Variants in PLD1 observed in about 807,000 individuals in gnomAD.
PLD1 encodes phospholipase D1.
PLD1 carries 112 observed loss-of-function variants against 137.1 expected under a neutral mutation model. The ratio of observed to expected loss-of-function variants is 0.82; its 90% CI spans 0.70 to 0.96. The LOEUF is 0.96. PLD1 is among the 40% of genes least tolerant of loss of function. The probability of loss-of-function intolerance (pLI) is 0.00; values close to 1 mark genes in which losing one functional copy is unlikely to be tolerated. For synonymous variants in PLD1, 431 were observed against 454.7 expected, an observed-to-expected ratio of 0.95 and a Z score of 0.66; for missense variants, 1,321 against 1,342.0, an observed-to-expected ratio of 0.98 and a Z score of 0.24.
rs747589426 is a variant in PLD1, at chr3:171,701,710, C to T, written c.1146-1884G>A. Among the ~76,000 whole-genome samples, 41 of 152,170 alleles carry T rather than the reference C, an allele frequency of 2.7e-4. 1 individual carries two copies. The highest frequency in any genetic ancestry group is 1.5e-5 in the Non-Finnish European group (1 of 68,014). Reference sequence around the variant, plus strand: ...TGGCTGCATGGCAAGAAGAAAGCAGCTATAACTTACCAAGCATTATTATGT... The same window carrying T: ...TGGCTGCATGGCAAGAAGAAAGCAGTTATAACTTACCAAGCATTATTATGT... On this transcript the variant is annotated intron_variant, in intron 11 of 26. Coordinates refer to ENST00000351298, the MANE Select transcript of PLD1 (RefSeq NM_002662.5).
chr3:171,750,981 A>T (rs1340528739), intron 1 of PLD1, among the ~76,000 whole-genome samples: 1 of 152,200 alleles, frequency 6.6e-6, no homozygotes, highest in South Asian at 2.1e-4. Flanking sequence ...AACTGAACCA[A>T]GTAGGGACCC....
At chr3:171,739,383 G>A (rs1272389039) in intron 1 of PLD1, among the ~76,000 whole-genome samples, 1 of 152,178 alleles carries the variant, frequency 6.6e-6, no homozygotes, top group Non-Finnish European at 1.5e-5. Context: ...GCGAAGGAGG[G>A]AGGTTCTGGT....
chr3:171,689,614 C>T (rs1714946957), intron 13 of PLD1, among the ~76,000 whole-genome samples: 1 of 152,116 alleles, frequency 6.6e-6, no homozygotes, highest in South Asian at 2.1e-4. Context: ...GATCCTTCTG[C>T]CTCAGCCTCC....
At chr3:171,755,712 C>G (rs2108298236) in intron 1 of PLD1, among the ~76,000 whole-genome samples, 1 of 152,314 alleles carries the variant, frequency 6.6e-6, no homozygotes, top group South Asian at 2.1e-4. Context: ...CCCTAAAAGA[C>G]TGGGAGCTCC....
intron 19 of PLD1, among the ~76,000 whole-genome samples, chr3:171,665,742 G>T (rs776006847): frequency 8.6e-5 from 13 of 151,926 alleles, no homozygotes; most frequent in Non-Finnish European, 1.6e-4. Flanking sequence ...TCAGCCTGTG[G>T]GAGAGCATAA....
chr3:171,633,251 G>A (rs563251179), intron 23 of PLD1, among the ~76,000 whole-genome samples: 96 of 152,350 alleles, frequency 6.3e-4, no homozygotes, highest in Middle Eastern at 6.8e-3. Flanking sequence ...AAAGGTTGGT[G>A]ATGTTAATTT....
At chr3:171,804,216 C>CA in intron 1 of PLD1, among the ~76,000 whole-genome samples, 1 of 152,126 alleles carries the variant, frequency 6.6e-6, no homozygotes, top group East Asian at 1.9e-4. Context: ...GCTACCTACT[C>CA]AAACTCTTTA....
chr3:171,724,742 A>T lies in PLD1; in HGVS notation c.712T>A (p.Leu238Met). The T allele has an allele frequency of 1.9e-6, 3 of 1,611,654 alleles. No homozygotes were observed. The highest frequency in any genetic ancestry group is 2.5e-6 in the Non-Finnish European group (3 of 1,178,396). Reference sequence around the variant, plus strand: ...GCTCTTCCCTGACCACAGCAATTCAAGCCTGGTATTCTGTGTCCTCCAGAT... The same window carrying T: ...GCTCTTCCCTGACCACAGCAATTCATGCCTGGTATTCTGTGTCCTCCAGAT... Reference protein sequence around the residue: ...KRSGGHRIPGLNCCGQGRACY... With the variant: ...KRSGGHRIPGMNCCGQGRACY... Residue 238 changes from leucine to methionine, a missense_variant, in exon 8 of 27, where the codon TTG becomes ATG. Physicochemically the swap from Leu to Met is conservative, Grantham distance 15 (BLOSUM62 2). Transcript: ENST00000351298.
At chr3:171,779,794 T>G (rs895147809) in intron 1 of PLD1, among the ~76,000 whole-genome samples, 1 of 151,704 alleles carries the variant, frequency 6.6e-6, no homozygotes, top group Non-Finnish European at 1.5e-5. Flanking sequence ...GGAATTTGTA[T>G]ACATAAGTCT....
chr3:171,746,023 A>AC (rs72591625), intron 1 of PLD1, among the ~76,000 whole-genome samples: 23,780 of 128,948 alleles, frequency 0.18, 1,964 homozygotes, highest in African/African-American at 0.26. Context: ...GGGGCTTAGC[A>AC]CCGGGCAAGC....
intron 1 of PLD1, among the ~76,000 whole-genome samples, chr3:171,764,825 G>GAGAAAGAAAGAAAGAA (rs1226169438): frequency 8.8e-5 from 2 of 22,776 alleles, no homozygotes; most frequent in East Asian, 5.6e-4. Context: ...AAGAAAGAAA[G>GAGAAAGAAAGAAAGAA]AGAAAGAAAG....
intron 8 of PLD1, among the ~76,000 whole-genome samples, chr3:171,723,338 C>G (rs764819690): frequency 3.3e-5 from 5 of 152,174 alleles, no homozygotes; most frequent in East Asian, 1.9e-4. Flanking sequence ...AGTACCCCAT[C>G]ATGTGTATGT....
chr3:171,650,237 C>A (rs374954685), intron 21 of PLD1, among the ~76,000 whole-genome samples: 1 of 152,008 alleles, frequency 6.6e-6, no homozygotes, highest in African/African-American at 2.4e-5. Flanking sequence ...AAGCTGAGTT[C>A]GGGGAAAAAC....
chr3:171,658,322 A>G (rs895693187), intron 21 of PLD1, among the ~76,000 whole-genome samples: 1 of 152,204 alleles, frequency 6.6e-6, no homozygotes, highest in Non-Finnish European at 1.5e-5. Flanking sequence ...TAGAGAAATG[A>G]AAATATATAT....
chr3:171,743,591 T>G (rs1719932732), intron 1 of PLD1, among the ~76,000 whole-genome samples: 1 of 152,218 alleles, frequency 6.6e-6, no homozygotes, highest in Non-Finnish European at 1.5e-5. Flanking sequence ...CTCACAACAG[T>G]GGCTCCTGCT....
At chr3:171,737,871 G>A (rs377169500) in intron 2 of PLD1, 21 bp downstream of exon 2, 63 of 1,607,464 alleles carry the variant, frequency 3.9e-5, no homozygotes, top group African/African-American at 3.0e-4. Flanking sequence ...TTTCTTCCCC[G>A]CTCAGATCAT....
At chr3:171,742,951 A>T (rs563860317) in intron 1 of PLD1, among the ~76,000 whole-genome samples, 6 of 152,096 alleles carry the variant, frequency 3.9e-5, no homozygotes, top group African/African-American at 7.2e-5. Flanking sequence ...CTTTTTTTTT[A>T]AAAGGAACAT....
At chr3:171,787,088 C>G (rs1723037689) in intron 1 of PLD1, among the ~76,000 whole-genome samples, 1 of 152,188 alleles carries the variant, frequency 6.6e-6, no homozygotes, top group Admixed American at 6.5e-5. Flanking sequence ...GCACCCAGCA[C>G]ACAACAGAGA....
At chr3:171,608,897 T>C (rs1461447359) in intron 25 of PLD1, among the ~76,000 whole-genome samples, 3 of 151,932 alleles carry the variant, frequency 2.0e-5, no homozygotes, top group Non-Finnish European at 4.4e-5. Flanking sequence ...AAAAAACAGA[T>C]TGATTTGATT....
Sources: allele counts gnomAD v4.1 joint callset (sites outside exome capture counted in the v4.1 genomes callset), GRCh38; gene constraint gnomAD v4.1.1; transcripts MANE v1.5; gene names NCBI Gene and HGNC (gene_info 2026-07-23, HGNC 2026-07-21).